Variants in PRIM2 observed in about 807,000 individuals in gnomAD.
PRIM2 encodes the protein DNA primase large subunit.
In PRIM2, 39 loss-of-function variants were observed where a neutral mutation model predicts 67.3. That is an observed-to-expected ratio of 0.58 (90% CI 0.45 to 0.76). The LOEUF is 0.76. PRIM2 is among the 30% of genes least tolerant of loss of function. The pLI is 0.00. For missense variants in PRIM2, 398 were observed against 598.7 expected (o/e 0.66, Z 3.50); for synonymous variants, 143 against 198.7 (o/e 0.72, Z 2.36).
At chr6:57,339,729 G>A (rs1327539463) in intron 5 of PRIM2, among the ~76,000 whole-genome samples, 1 of 152,092 alleles carries the variant, frequency 6.6e-6, no homozygotes, top group Non-Finnish European at 1.5e-5. Context: ...AGACTTAAAC[G>A]TTAGACCTAA....
intron 5 of PRIM2, among the ~76,000 whole-genome samples, chr6:57,375,426 C>T (rs1246950397): frequency 7.2e-5 from 11 of 152,188 alleles, no homozygotes; most frequent in Non-Finnish European, 1.3e-4. Context: ...CCAAGTTGAT[C>T]GTGGTGGATA....
At chr6:57,610,272 T>C (rs1183575959) in intron 12 of PRIM2, among the ~76,000 whole-genome samples, 3 of 152,202 alleles carry the variant, frequency 2.0e-5, no homozygotes, top group African/African-American at 7.2e-5. Flanking sequence ...TTCACCATGT[T>C]GGCCAGGCCA....
In PRIM2 at chr6:57,320,543, C is replaced by A; in HGVS notation, c.241C>A (p.Leu81Ile). The A allele has an allele frequency of 6.2e-7, 1 of 1,604,972 alleles. No homozygotes were observed. Among genetic ancestry groups the A allele is most frequent in the South Asian group, 1.1e-5 (1 of 89,344 alleles). ...QSKLESELRKLKFSYRENLED... is the reference protein window; with the variant it reads ...QSKLESELRKIKFSYRENLED... The stretch of plus-strand genomic sequence containing the variant: ...TAAGTTGGAGAGTGAGCTTCGGAAG[C>A]TCAAGTTTTCCTACAGAGTAAGTAA... Residue 81 changes from leucine to isoleucine, a missense_variant, in exon 3 of 14, where the codon CTC becomes ATC. Coordinates refer to ENST00000615550, the MANE Select transcript of PRIM2 (RefSeq NM_000947.5).
intron 10 of PRIM2, among the ~76,000 whole-genome samples, chr6:57,596,745 C>T (rs1374573553): frequency 2.0e-5 from 3 of 147,900 alleles, no homozygotes; most frequent in African/African-American, 7.5e-5. Context: ...TATACTGAGG[C>T]AATTTTTGAA....
intron 7 of PRIM2, among the ~76,000 whole-genome samples, chr6:57,384,583 A>G (rs1425964096): frequency 6.6e-6 from 1 of 152,124 alleles, no homozygotes; most frequent in African/African-American, 2.4e-5. Context: ...TAAAGCAGCT[A>G]TTGTGGTTTA....
chr6:57,452,583 T>G (rs1277330581), intron 7 of PRIM2, among the ~76,000 whole-genome samples: 104 of 152,370 alleles, frequency 6.8e-4, no homozygotes, highest in African/African-American at 2.5e-3. Flanking sequence ...AAATGTCTTC[T>G]TTTGAGAAGT....
chr6:57,585,793 G>A (rs1336093100), intron 10 of PRIM2, among the ~76,000 whole-genome samples: 1 of 152,190 alleles, frequency 6.6e-6, no homozygotes, highest in Admixed American at 6.5e-5. Context: ...GTTTGGCCAA[G>A]GAGGGCATCT....
chr6:57,378,345 C>T (rs1305914617), intron 5 of PRIM2, among the ~76,000 whole-genome samples: 4 of 151,692 alleles, frequency 2.6e-5, no homozygotes, highest in African/African-American at 4.8e-5. Flanking sequence ...GGATTATAGA[C>T]GTGAGCCACC....
intron 7 of PRIM2, among the ~76,000 whole-genome samples, chr6:57,490,552 T>C (rs1554345885): frequency 5.0e-4 from 76 of 152,122 alleles, no homozygotes; most frequent in Middle Eastern, 3.4e-3. Context: ...AAAATAAACA[T>C]AATAAATGTA....
chr6:57,620,419 A>G (rs1325948483), intron 12 of PRIM2, among the ~76,000 whole-genome samples: 1 of 152,186 alleles, frequency 6.6e-6, no homozygotes, highest in Non-Finnish European at 1.5e-5. Context: ...CAGCCTCCTC[A>G]AACAAAACAA....
intron 7 of PRIM2, among the ~76,000 whole-genome samples, chr6:57,443,912 T>A (rs1435284778): frequency 6.6e-6 from 1 of 152,150 alleles, no homozygotes; most frequent in Non-Finnish European, 1.5e-5. Flanking sequence ...TATGTTTAAG[T>A]CTTTAATTCA....
chr6:57,642,700 C>G (rs1777266110), intron 13 of PRIM2, among the ~76,000 whole-genome samples: 1 of 152,098 alleles, frequency 6.6e-6, no homozygotes, highest in Non-Finnish European at 1.5e-5. Flanking sequence ...CTCGGCCTCC[C>G]AAAGTGCTGG....
At chr6:57,236,665 G>A in the PRIM2 span, among the ~76,000 whole-genome samples, 1 of 152,010 alleles carries the variant, frequency 6.6e-6, no homozygotes, top group Non-Finnish European at 1.5e-5. Context: ...AACATGCGGT[G>A]TTTGGTTTTT....
intron 7 of PRIM2, among the ~76,000 whole-genome samples, chr6:57,413,871 G>A (rs1359012074): frequency 1.3e-5 from 2 of 152,092 alleles, no homozygotes; most frequent in African/African-American, 2.4e-5. Flanking sequence ...TATTCAGTGA[G>A]AAGCTACTAT....
At chr6:57,268,640 A>G in the PRIM2 span, among the ~76,000 whole-genome samples, 1 of 151,784 alleles carries the variant, frequency 6.6e-6, no homozygotes, top group Non-Finnish European at 1.5e-5. Context: ...TTTTAATTTT[A>G]TTATTATTAT....
chr6:57,547,441 G>A (rs1157919120), intron 10 of PRIM2, among the ~76,000 whole-genome samples: 2 of 152,080 alleles, frequency 1.3e-5, no homozygotes, highest in African/African-American at 4.8e-5. Flanking sequence ...ATGTCTGTGG[G>A]TGCTCGATGT....
At chr6:57,487,644 T>C (rs1773786022) in intron 7 of PRIM2, among the ~76,000 whole-genome samples, 1 of 152,208 alleles carries the variant, frequency 6.6e-6, no homozygotes, top group African/African-American at 2.4e-5. Context: ...CTAAAAACCA[T>C]ATGGCAATAA....
In PRIM2 at chr6:57,332,487, A is replaced by G. The variant is rs574653402; in HGVS notation, c.459+6442A>G. ...TGGGGTACTAAAGTCTTCAACTGTT[A>G]TTGTTTATTTATTATCTTTAATTCT... On this transcript the variant is annotated intron_variant, in intron 5 of 13. Transcript: ENST00000615550. Among the ~76,000 whole-genome samples, 5 of 152,004 alleles carry G rather than the reference A, an allele frequency of 3.3e-5. No individual in the cohort carries two copies. In the South Asian group the frequency reaches 6.2e-4, roughly 19 times the overall value.
At chr6:57,430,341 A>T (rs1265718595) in intron 7 of PRIM2, among the ~76,000 whole-genome samples, 1 of 152,164 alleles carries the variant, frequency 6.6e-6, no homozygotes, top group Non-Finnish European at 1.5e-5. Flanking sequence ...CTAGTAAAAA[A>T]CCAGAATCCA....
Sources: gnomAD v4.1 joint callset for allele counts (sites outside exome capture counted in the v4.1 genomes callset) on GRCh38, gnomAD v4.1.1 for gene constraint, MANE v1.5 for transcripts, NCBI Gene and HGNC (gene_info 2026-07-23, HGNC 2026-07-21) for gene names.